ANGPT1: variants seen among roughly 807,000 people sequenced by gnomAD.
The protein encoded by ANGPT1 is angiopoietin-1.
In ANGPT1, 17 loss-of-function variants were observed where a neutral mutation model predicts 62.2. The observed-to-expected ratio is 0.27, with a 90% CI of 0.19 to 0.41. The LOEUF is 0.41. Among genes scored for constraint, ANGPT1 ranks in the 10% least tolerant of loss-of-function variants. The pLI is 1.00. For synonymous variants in ANGPT1, 199 were observed against 198.9 expected (o/e 1.00, Z 0.00); for missense variants, 478 against 594.9 (o/e 0.80, Z 2.04).
chr8:107,339,708 A>T (rs887280402), intron 2 of ANGPT1, among the ~76,000 whole-genome samples: 1 of 151,822 alleles, frequency 6.6e-6, no homozygotes, highest in Non-Finnish European at 1.5e-5. Context: ...AAGCCTCCAG[A>T]CCCCCTGGGG....
intron 7 of ANGPT1, among the ~76,000 whole-genome samples, chr8:107,281,261 A>C (rs1053145348): frequency 1.3e-5 from 2 of 150,754 alleles, no homozygotes; most frequent in African/African-American, 5.0e-5. Context: ...CACACCTGTT[A>C]CAAGAATTTT....
chr8:107,378,557 T>C (rs1360218394), intron 1 of ANGPT1, among the ~76,000 whole-genome samples: 1 of 152,154 alleles, frequency 6.6e-6, no homozygotes, highest in African/African-American at 2.4e-5. Context: ...TGGCTCTATG[T>C]CCCCACTGAA....
At position 107,282,107 on chromosome 8, in the gene ANGPT1, T is replaced by G. The variant is rs139454846; in HGVS notation, c.1205+2575A>C. Among the ~76,000 whole-genome samples the G allele has an allele frequency of 3.4e-3, 519 of 151,942 alleles. 3 individuals carry two copies. Among genetic ancestry groups the G allele is most frequent in the Non-Finnish European group, 5.1e-3 (348 of 67,968 alleles). On this transcript the variant is annotated intron_variant, in intron 7 of 8. Coordinates refer to ENST00000517746, the MANE Select transcript of ANGPT1 (RefSeq NM_001146.5). The stretch of plus-strand genomic sequence containing the variant: ...CTGTTTTCAGGCTTCTGTTCCATTT[T>G]TCTTTGAAAAAGCGAATAACACCAT...
intron 1 of ANGPT1, among the ~76,000 whole-genome samples, chr8:107,382,271 C>T (rs1255229999): frequency 6.6e-6 from 1 of 151,952 alleles, no homozygotes; most frequent in African/African-American, 2.4e-5. Context: ...TAAAACTTCC[C>T]CTTCCCTATT....
chr8:107,276,555 G>T (rs574422745), intron 7 of ANGPT1, among the ~76,000 whole-genome samples: 3 of 152,006 alleles, frequency 2.0e-5, no homozygotes, highest in East Asian at 1.9e-4. Context: ...AGGCTCGAGA[G>T]AATTCTTTTC....
chr8:107,348,354 T>G (rs2130164165), intron 1 of ANGPT1, among the ~76,000 whole-genome samples: 1 of 152,330 alleles, frequency 6.6e-6, no homozygotes, highest in East Asian at 1.9e-4. Flanking sequence ...TTGTAAAGCT[T>G]TGGCAGCTCA....
chr8:107,335,532 T>G (rs115524091), intron 3 of ANGPT1, among the ~76,000 whole-genome samples: 2,671 of 152,312 alleles, frequency 0.018, 69 homozygotes, highest in African/African-American at 0.057. Flanking sequence ...TTCAATCAAC[T>G]GAAATGATTC....
chr8:107,319,479 G>A (rs993206720), intron 4 of ANGPT1, among the ~76,000 whole-genome samples: 6 of 151,772 alleles, frequency 4.0e-5, no homozygotes, highest in East Asian at 1.9e-4. Flanking sequence ...TATTTGATGC[G>A]TTTATTCTGG....
At chr8:107,478,105 T>C (rs1172849353) in intron 1 of ANGPT1, among the ~76,000 whole-genome samples, 1 of 151,458 alleles carries the variant, frequency 6.6e-6, no homozygotes, top group Non-Finnish European at 1.5e-5. Flanking sequence ...TTTCTAAAGA[T>C]CTTTTTATAT....
At chr8:107,463,906 C>T (rs539258393) in intron 1 of ANGPT1, among the ~76,000 whole-genome samples, 2 of 152,120 alleles carry the variant, frequency 1.3e-5, no homozygotes, top group African/African-American at 4.8e-5. Context: ...ATATTGAATG[C>T]ACTATAAAAT....
At chr8:107,426,440 G>C (rs1460778066) in intron 1 of ANGPT1, among the ~76,000 whole-genome samples, 2 of 152,186 alleles carry the variant, frequency 1.3e-5, no homozygotes, top group Non-Finnish European at 2.9e-5. Context: ...AGAAATAATC[G>C]CATGTTTGAG....
At chr8:107,441,867 C>T (rs1047937669) in intron 1 of ANGPT1, among the ~76,000 whole-genome samples, 11 of 151,984 alleles carry the variant, frequency 7.2e-5, no homozygotes, top group African/African-American at 1.9e-4. Flanking sequence ...GGGTAGATCA[C>T]GAGGTCAGGA....
At chr8:107,302,346 G>A (rs1384607878) in intron 5 of ANGPT1, among the ~76,000 whole-genome samples, 1 of 151,738 alleles carries the variant, frequency 6.6e-6, no homozygotes, top group Non-Finnish European at 1.5e-5. Context: ...TGGGACCCTG[G>A]GCTTCCAGTT....
At chr8:107,326,681 T>A (rs1815296869) in intron 3 of ANGPT1, among the ~76,000 whole-genome samples, 1 of 152,146 alleles carries the variant, frequency 6.6e-6, no homozygotes, top group African/African-American at 2.4e-5. Context: ...CTACTTATTA[T>A]CTTATTCTTG....
chr8:107,441,976 C>G (rs1396386984), intron 1 of ANGPT1, among the ~76,000 whole-genome samples: 1 of 151,954 alleles, frequency 6.6e-6, no homozygotes, highest in African/African-American at 2.4e-5. Flanking sequence ...CGCGGCTACT[C>G]AGGAGGTTGA....
chr8:107,284,599 TTTC>T (rs1814094067), intron 7 of ANGPT1, 80 bp downstream of exon 7: 1 of 1,219,532 alleles, frequency 8.2e-7, no homozygotes. Context: ...ATGATTTTCA[TTTC>T]TTTTTTTCAT....
intron 1 of ANGPT1, among the ~76,000 whole-genome samples, chr8:107,429,213 G>A (rs1338198568): frequency 6.6e-6 from 1 of 152,128 alleles, no homozygotes; most frequent in Non-Finnish European, 1.5e-5. Context: ...GCCTCTTACA[G>A]GGCCTTGAGA....
chr8:107,408,851 G>A (rs2130350339), intron 1 of ANGPT1, among the ~76,000 whole-genome samples: 1 of 152,230 alleles, frequency 6.6e-6, no homozygotes. Flanking sequence ...GTAATTTGAG[G>A]TAAGATTATT....
chr8:107,280,236 T>C (rs1459563815), intron 7 of ANGPT1, among the ~76,000 whole-genome samples: 3 of 152,130 alleles, frequency 2.0e-5, no homozygotes, highest in Non-Finnish European at 2.9e-5. Context: ...GTTTCACTCT[T>C]GTCGCCCTGA....
Sources: gnomAD v4.1 joint callset for allele counts (sites outside exome capture counted in the v4.1 genomes callset) on GRCh38, gnomAD v4.1.1 for gene constraint, MANE v1.5 for transcripts, NCBI Gene and HGNC (gene_info 2026-07-23, HGNC 2026-07-21) for gene names.